The following CNTN5 variants were observed in gnomAD, a reference collection of about 807,000 sequenced individuals.
CNTN5 encodes contactin 5, also known as contactin-5.
Under a neutral mutation model 129.1 loss-of-function variants are expected in CNTN5, and 77 were observed. The observed-to-expected ratio is 0.60, with a 90% CI of 0.50 to 0.72. CNTN5 has a LOEUF of 0.72. Ranked by LOEUF, CNTN5 falls within the 30% of genes least tolerant of loss-of-function variation. CNTN5 has a pLI of 0.00. For synonymous variants in CNTN5, 509 were observed against 465.6 expected (o/e 1.09, Z -1.20); for missense variants, 1,478 against 1,328.8 (o/e 1.11, Z -1.75).
intron 3 of CNTN5, among the ~76,000 whole-genome samples, chr11:99,597,421 T>C (rs990344032): frequency 2.0e-5 from 3 of 152,166 alleles, no homozygotes; most frequent in African/African-American, 7.2e-5. Flanking sequence ...TCCTTCCTAT[T>C]GCACGTTCTA....
intron 1 of CNTN5, among the ~76,000 whole-genome samples, chr11:99,304,364 G>T (rs567228652): frequency 2.6e-5 from 4 of 152,156 alleles, no homozygotes; most frequent in African/African-American, 7.2e-5. Context: ...AGTACACTTT[G>T]TGTAAGGAAA....
intron 17 of CNTN5, among the ~76,000 whole-genome samples, chr11:100,262,204 A>T (rs1017952246): frequency 6.6e-6 from 1 of 152,240 alleles, no homozygotes; most frequent in East Asian, 1.9e-4. Context: ...AAAGCTCATC[A>T]TCACTGGTCA....
intron 1 of CNTN5, among the ~76,000 whole-genome samples, chr11:99,145,177 C>T (rs1452715642): frequency 1.3e-5 from 2 of 152,138 alleles, no homozygotes; most frequent in Non-Finnish European, 2.9e-5. Context: ...TCAAGCAATT[C>T]TCGTGCCTCA....
intron 1 of CNTN5, among the ~76,000 whole-genome samples, chr11:99,044,950 C>A (rs1262910429): frequency 1.3e-5 from 2 of 152,122 alleles, no homozygotes; most frequent in Non-Finnish European, 2.9e-5. Flanking sequence ...AGTTATTCCA[C>A]CTTTCTGTAC....
At chr11:99,752,723 C>G (rs931889860) in intron 3 of CNTN5, among the ~76,000 whole-genome samples, 1 of 152,156 alleles carries the variant, frequency 6.6e-6, no homozygotes, top group African/African-American at 2.4e-5. Flanking sequence ...TCTACAAACA[C>G]AGGCCCCATG....
At chr11:99,461,163 G>C (rs961540450) in intron 2 of CNTN5, among the ~76,000 whole-genome samples, 2 of 151,978 alleles carry the variant, frequency 1.3e-5, no homozygotes, top group Non-Finnish European at 2.9e-5. Context: ...TTAAAATGTA[G>C]ATGATATATA....
In CNTN5 at chr11:99,746,409, A is replaced by G. The variant is rs191932874; in HGVS notation, c.56-73135A>G. Among the ~76,000 whole-genome samples the G allele has an allele frequency of 6.6e-5, 10 of 152,274 alleles. No individual in the cohort carries two copies. In the East Asian group the frequency reaches 1.9e-3, roughly 29 times the overall value. On this transcript the variant is annotated intron_variant, in intron 3 of 24. Coordinates refer to ENST00000524871, the MANE Select transcript of CNTN5 (RefSeq NM_014361.4). Reference sequence around the variant, plus strand: ...GCTTAGATTTATTTCCAGACTCTCTATTGTGATCCACTAGTCTACATGAAG... The same window carrying G: ...GCTTAGATTTATTTCCAGACTCTCTGTTGTGATCCACTAGTCTACATGAAG...
chr11:99,216,335 T>C (rs1860114021), intron 1 of CNTN5, among the ~76,000 whole-genome samples: 1 of 152,140 alleles, frequency 6.6e-6, no homozygotes, highest in African/African-American at 2.4e-5. Flanking sequence ...GATTTCATTC[T>C]TTTTTAGGGT....
chr11:99,145,212 A>G (rs1040586074), intron 1 of CNTN5, among the ~76,000 whole-genome samples: 6 of 152,018 alleles, frequency 3.9e-5, no homozygotes, highest in Non-Finnish European at 8.8e-5. Context: ...TGAGATTACA[A>G]GCATGAGCAA....
intron 7 of CNTN5, among the ~76,000 whole-genome samples, chr11:99,947,665 C>T (rs1340267224): frequency 6.6e-6 from 1 of 152,086 alleles, no homozygotes; most frequent in African/African-American, 2.4e-5. Flanking sequence ...CCAAAAGCAA[C>T]TCAAGTTCCA....
intron 1 of CNTN5, among the ~76,000 whole-genome samples, chr11:99,216,035 C>A (rs939420809): frequency 3.3e-5 from 5 of 152,210 alleles, no homozygotes; most frequent in Middle Eastern, 3.4e-3. Context: ...CAATATCATT[C>A]TTTTAGTTAT....
intron 9 of CNTN5, among the ~76,000 whole-genome samples, chr11:100,032,311 C>T (rs1424641475): frequency 6.6e-6 from 1 of 151,926 alleles, no homozygotes; most frequent in Non-Finnish European, 1.5e-5. Context: ...TGTTCTATTA[C>T]ATTAAAGAAT....
intron 1 of CNTN5, among the ~76,000 whole-genome samples, chr11:99,162,175 T>A (rs77302656): frequency 0.014 from 2,131 of 152,280 alleles, 35 homozygotes; most frequent in African/African-American, 0.047. Context: ...TATCTTGTCC[T>A]GTTTTGATGA....
chr11:99,335,584 C>G (rs59800006), intron 2 of CNTN5, among the ~76,000 whole-genome samples: 6,865 of 152,034 alleles, frequency 0.045, 330 homozygotes, highest in East Asian at 0.17. Flanking sequence ...AGCAGGTCCA[C>G]ACATGCAAGT....
Position 100,061,284 on chromosome 11 carries a change from G to A in CNTN5, c.1053G>A (p.Gln351=), listed in dbSNP as rs1415792277. The A allele has an allele frequency of 6.2e-7, 1 of 1,613,574 alleles. No individual in the cohort carries two copies. The highest frequency in any genetic ancestry group is 8.5e-7 in the Non-Finnish European group (1 of 1,179,642). ...IPSKARLRKS[Q]AVLEIPNVQL... ...GTAAGGCACGTCTGCGGAAATCTCAGGCGGTGCTGGAAATACCGAATGTAC... is the reference window on the plus strand; with the variant it reads ...GTAAGGCACGTCTGCGGAAATCTCAAGCGGTGCTGGAAATACCGAATGTAC... Residue 351 remains glutamine (Q), a synonymous_variant, in exon 10 of 25, where the codon CAG becomes CAA. Coordinates refer to ENST00000524871, the MANE Select transcript of CNTN5 (RefSeq NM_014361.4).
intron 3 of CNTN5, among the ~76,000 whole-genome samples, chr11:99,584,199 C>CT (rs1318599523): frequency 2.0e-5 from 3 of 152,186 alleles, no homozygotes; most frequent in African/African-American, 7.2e-5. Flanking sequence ...ACGTTGTTCC[C>CT]TTTTGGGGGA....
chr11:99,514,132 A>C (rs1946951601), intron 2 of CNTN5, among the ~76,000 whole-genome samples: 1 of 152,118 alleles, frequency 6.6e-6, no homozygotes. Flanking sequence ...TCGGTGGAGG[A>C]AGTAACTGCA....
At chr11:99,679,112 T>C (rs1246152438) in intron 3 of CNTN5, among the ~76,000 whole-genome samples, 5 of 147,754 alleles carry the variant, frequency 3.4e-5, no homozygotes, top group African/African-American at 9.8e-5. Flanking sequence ...ATAGGAAATA[T>C]ATATATGTAT....
At chr11:99,813,712 T>G (rs142812727) in intron 3 of CNTN5, among the ~76,000 whole-genome samples, 1 of 152,082 alleles carries the variant, frequency 6.6e-6, no homozygotes, top group African/African-American at 2.4e-5. Flanking sequence ...ATAAAAAGTT[T>G]CCAGTGAAAT....
Sources: gnomAD v4.1 joint callset for allele counts (sites outside exome capture counted in the v4.1 genomes callset) on GRCh38, gnomAD v4.1.1 for gene constraint, MANE v1.5 for transcripts, NCBI Gene and HGNC (gene_info 2026-07-23, HGNC 2026-07-21) for gene names.